Variants in RAVER2 observed in about 807,000 individuals in gnomAD.
The protein encoded by RAVER2 is ribonucleoprotein, PTB binding 2, also known as ribonucleoprotein PTB-binding 2.
A neutral mutation model predicts 78.1 loss-of-function variants in RAVER2; 46 were observed. The ratio of observed to expected loss-of-function variants is 0.59; its 90% confidence interval spans 0.46 to 0.75. The LOEUF is 0.75. Ranked by LOEUF, RAVER2 falls within the 30% of genes least tolerant of loss-of-function variation. The pLI, the probability that RAVER2 is intolerant of heterozygous loss-of-function variation, is 0.00. For missense variants in RAVER2, 793 were observed against 837.5 expected (o/e 0.95, Z 0.66); for synonymous variants, 311 against 313.3 (o/e 0.99, Z 0.08).
intron 4 of RAVER2, among the ~76,000 whole-genome samples, chr1:64,786,131 G>A (rs1652773326): frequency 1.3e-5 from 2 of 152,128 alleles, no homozygotes; most frequent in South Asian, 2.1e-4. Flanking sequence ...GATGCTTTGA[G>A]AAAGAAGATT....
At chr1:64,749,100 A>G (rs1651623597) in intron 1 of RAVER2, among the ~76,000 whole-genome samples, 1 of 152,066 alleles carries the variant, frequency 6.6e-6, no homozygotes. Context: ...TTTGCCTCCC[A>G]AAGTGCTGGG....
chr1:64,812,136 G>T (rs182766436), intron 9 of RAVER2, among the ~76,000 whole-genome samples: 2 of 151,974 alleles, frequency 1.3e-5, no homozygotes, highest in African/African-American at 4.8e-5. Flanking sequence ...CAAGGCGGGG[G>T]CATCACGAAG....
In RAVER2 at chr1:64,761,281, T is replaced by C. The variant is rs185434331; in HGVS notation, c.250-7375T>C. On this transcript the variant is annotated intron_variant, in intron 1 of 11. Coordinates refer to ENST00000294428, the Ensembl canonical transcript of RAVER2. ...AAAAATTTAGCCAAGATAAAATTGA[T>C]ACCACATCCACTCAGCCAACATCAT... is the stretch of plus-strand genomic sequence containing the variant. Among the ~76,000 whole-genome samples, 4 of 152,336 alleles carry C rather than the reference T, an allele frequency of 2.6e-5. No homozygotes were observed. In the East Asian group the frequency reaches 7.7e-4, roughly 29 times the overall value.
chr1:64,817,316 C>T (rs1427552512), intron 11 of RAVER2, among the ~76,000 whole-genome samples: 1 of 152,198 alleles, frequency 6.6e-6, no homozygotes, highest in Non-Finnish European at 1.5e-5. Flanking sequence ...GGACTGTAAA[C>T]TAGTTCAACC....
intron 11 of RAVER2, among the ~76,000 whole-genome samples, chr1:64,826,374 C>T (rs1212565340): frequency 6.6e-6 from 1 of 152,170 alleles, no homozygotes; most frequent in East Asian, 1.9e-4. Flanking sequence ...AAAACTGATT[C>T]TTGGGCAAAG....
At chr1:64,817,703 T>C (rs1420555212) in intron 11 of RAVER2, among the ~76,000 whole-genome samples, 2 of 133,312 alleles carry the variant, frequency 1.5e-5, no homozygotes, top group East Asian at 4.4e-4. Flanking sequence ...AATTGAACAA[T>C]GAGAACACTT....
chr1:64,768,780 G>A (rs771832095), intron 2 of RAVER2, 58 bp downstream of exon 2: 8 of 1,100,842 alleles, frequency 7.3e-6, no homozygotes, highest in Middle Eastern at 2.2e-4. Context: ...ACTCGTTATA[G>A]AACAAAAAAG....
chr1:64,777,779 T>G (rs778049488), exon 3 of RAVER2: 1 of 1,614,112 alleles, frequency 6.2e-7, no homozygotes, highest in Middle Eastern at 1.6e-4. Context: ...TCAGAAGAGT[T>G]TGAAGAACTT....
At chr1:64,782,567 C>T (rs1652660074) in intron 4 of RAVER2, among the ~76,000 whole-genome samples, 1 of 152,178 alleles carries the variant, frequency 6.6e-6, no homozygotes, top group Non-Finnish European at 1.5e-5. Context: ...ACTAAAATAT[C>T]ATTCATTGTT....
intron 1 of RAVER2, among the ~76,000 whole-genome samples, chr1:64,750,315 T>TC (rs1651664678): frequency 6.6e-6 from 1 of 151,330 alleles, no homozygotes; most frequent in African/African-American, 2.4e-5. Context: ...TTCTTTTTTT[T>TC]TTTTTTAAAG....
chr1:64,802,526 A>G (rs556160751), intron 5 of RAVER2, among the ~76,000 whole-genome samples: 1 of 152,112 alleles, frequency 6.6e-6, no homozygotes, highest in African/African-American at 2.4e-5. Context: ...TTATTATGTA[A>G]ATATTTTTGT....
At chr1:64,788,471 C>CA (rs1326907984) in intron 4 of RAVER2, among the ~76,000 whole-genome samples, 3 of 149,498 alleles carry the variant, frequency 2.0e-5, no homozygotes, top group African/African-American at 7.4e-5. Context: ...GACTCCGTCT[C>CA]AAAAAATAAA....
chr1:64,763,102 G>A (rs1012423643), intron 1 of RAVER2, among the ~76,000 whole-genome samples: 3 of 152,104 alleles, frequency 2.0e-5, no homozygotes, highest in Non-Finnish European at 2.9e-5. Flanking sequence ...GAGGTCAGGC[G>A]ATCGAGACCA....
intron 2 of RAVER2, among the ~76,000 whole-genome samples, chr1:64,769,122 G>A (rs1247723352): frequency 6.6e-6 from 1 of 151,958 alleles, no homozygotes; most frequent in Non-Finnish European, 1.5e-5. Flanking sequence ...TAAAAAACTA[G>A]ATTATTTCCT....
At chr1:64,790,559 A>C (rs953368819) in intron 5 of RAVER2, among the ~76,000 whole-genome samples, 2 of 152,354 alleles carry the variant, frequency 1.3e-5, no homozygotes, top group Middle Eastern at 3.4e-3. Flanking sequence ...TTTCCAACTT[A>C]ATAGGGAAAA....
At chr1:64,817,017 T>G (rs1467608521) in intron 11 of RAVER2, among the ~76,000 whole-genome samples, 2 of 152,186 alleles carry the variant, frequency 1.3e-5, no homozygotes, top group Non-Finnish European at 2.9e-5. Flanking sequence ...GACAAAGGGC[T>G]AATACCCAGA....
At chr1:64,832,461 T>G (rs1557611480) in exon 12 of RAVER2, 1 of 152,540 alleles carries the variant, frequency 6.6e-6, no homozygotes, top group Admixed American at 6.5e-5. Flanking sequence ...TAGAAATTTC[T>G]AAGTTTGTTT....
chr1:64,745,623 C>A lies in RAVER2; in HGVS notation c.249+202C>A, dbSNP rs774864995. Among the ~76,000 whole-genome samples, 12 of 152,096 alleles carry A rather than the reference C, an allele frequency of 7.9e-5. No individual in the cohort carries two copies. The highest frequency in any genetic ancestry group is 1.6e-4 in the Non-Finnish European group (11 of 68,010). ...CCAGGGAGGGGGGCAGATTGGGAAA[C>A]TGAGGCTCTGAGTGGCGAAGCGGCT... is the stretch of plus-strand genomic sequence containing the variant. On this transcript the variant is annotated intron_variant, in intron 1 of 11. Transcript: ENST00000294428. This position sits in a 1 kb window ranked among gnomAD's most constrained non-coding sequence, Gnocchi z 4.3.
intron 4 of RAVER2, among the ~76,000 whole-genome samples, chr1:64,785,744 T>C (rs1403986850): frequency 1.3e-5 from 2 of 152,132 alleles, no homozygotes; most frequent in Admixed American, 6.6e-5. Flanking sequence ...CTCCATCTGC[T>C]TCCTCCTTCC....
Sources: allele counts gnomAD v4.1 joint callset (sites outside exome capture counted in the v4.1 genomes callset), GRCh38; gene constraint gnomAD v4.1.1; non-coding constraint Gnocchi (gnomAD v3.1); transcripts MANE v1.5; gene names NCBI Gene and HGNC (gene_info 2026-07-23, HGNC 2026-07-21).